TENM3: variants seen among roughly 807,000 people sequenced by gnomAD.
TENM3 encodes the protein teneurin transmembrane protein 3.
TENM3 carries 63 observed loss-of-function variants against 255.1 expected under a neutral mutation model. The ratio of observed to expected loss-of-function variants is 0.25; its 90% confidence interval spans 0.20 to 0.30. TENM3 has a LOEUF of 0.30. TENM3 is among the 10% of genes least tolerant of loss of function. The pLI is 1.00. For missense variants in TENM3, 2,929 were observed against 3,461.1 expected (o/e 0.85, Z 3.86); for synonymous variants, 1,306 against 1,322.3 (o/e 0.99, Z 0.27).
chr4:181,783,141 T>C, the TENM3 span, among the ~76,000 whole-genome samples: 2 of 152,206 alleles, frequency 1.3e-5, no homozygotes, highest in Non-Finnish European at 2.9e-5. Flanking sequence ...TTAGGTCTGC[T>C]TGGTGCAGAG....
the TENM3 span, among the ~76,000 whole-genome samples, chr4:181,875,262 C>T: frequency 0.2 from 30,474 of 152,090 alleles, 3,724 homozygotes; most frequent in South Asian, 0.34. Context: ...AATATCCTCA[C>T]TTTTGTAATA....
chr4:181,666,611 C>T, the TENM3 span, among the ~76,000 whole-genome samples: 5 of 152,072 alleles, frequency 3.3e-5, no homozygotes, highest in Admixed American at 3.3e-4. Context: ...TTAAGGGGTA[C>T]ATAATAAAAA....
At chr4:182,408,837 T>C (rs939192332) in intron 3 of TENM3, among the ~76,000 whole-genome samples, 3 of 152,196 alleles carry the variant, frequency 2.0e-5, no homozygotes, top group Non-Finnish European at 2.9e-5. Flanking sequence ...AAAAAATGAA[T>C]CACATGGGAT....
chr4:182,106,044 G>T, the TENM3 span, among the ~76,000 whole-genome samples: 2 of 152,290 alleles, frequency 1.3e-5, no homozygotes, highest in Admixed American at 6.5e-5. Flanking sequence ...TCACCTTCAG[G>T]TGTGGTAGGC....
chr4:181,750,607 A>C, the TENM3 span, among the ~76,000 whole-genome samples: 5,063 of 152,220 alleles, frequency 0.033, 290 homozygotes, highest in African/African-American at 0.12. Flanking sequence ...TCATTCCAGG[A>C]CATTAATTAG....
At chr4:181,633,543 AC>A in the TENM3 span, among the ~76,000 whole-genome samples, 11 of 152,234 alleles carry the variant, frequency 7.2e-5, no homozygotes, top group South Asian at 2.1e-3. Context: ...ATTCTAAATG[AC>A]CCTGAGCCTT....
At chr4:181,820,813 T>A in the TENM3 span, among the ~76,000 whole-genome samples, 1 of 152,300 alleles carries the variant, frequency 6.6e-6, no homozygotes, top group Admixed American at 6.5e-5. Context: ...GCAGCACATG[T>A]GGTTCAGAGG....
intron 4 of TENM3, among the ~76,000 whole-genome samples, chr4:182,609,006 T>TGGA (rs112919791): frequency 0.045 from 6,916 of 152,196 alleles, 543 homozygotes; most frequent in African/African-American, 0.16. Context: ...CTGGAGGGAC[T>TGGA]GGAGGGTATG....
At chr4:181,684,015 A>G in the TENM3 span, among the ~76,000 whole-genome samples, 1 of 152,212 alleles carries the variant, frequency 6.6e-6, no homozygotes. Context: ...CATTTAACAA[A>G]TAGTAGTTAT....
chr4:182,042,420 C>G, the TENM3 span, among the ~76,000 whole-genome samples: 32,969 of 151,954 alleles, frequency 0.22, 3,741 homozygotes, highest in African/African-American at 0.29. Flanking sequence ...TAAGTGTCCC[C>G]CTCAGGATGA....
At chr4:182,681,742 A>G (rs1756194006) in intron 10 of TENM3, 72 bp from the exon 11 acceptor site, 1 of 1,098,086 alleles carries the variant, frequency 9.1e-7, no homozygotes, top group Non-Finnish European at 1.3e-6. Context: ...TTAGATTAGG[A>G]TTTAATTCTT....
At chr4:182,161,618 T>C (rs1237447970) in intron 1 of TENM3, among the ~76,000 whole-genome samples, 1 of 107,814 alleles carries the variant, frequency 9.3e-6, no homozygotes, top group Non-Finnish European at 1.8e-5. Flanking sequence ...TATATGTATA[T>C]ATATATACAA....
At chr4:181,596,427 G>A in the TENM3 span, among the ~76,000 whole-genome samples, 2 of 152,072 alleles carry the variant, frequency 1.3e-5, no homozygotes, top group Non-Finnish European at 2.9e-5. Context: ...GGCAACACTA[G>A]GTCTGCCTTT....
rs72496312 is a variant in TENM3, at chr4:182,268,732, C to G, written c.-76+25256C>G. Reference sequence around the variant, plus strand: ...CTCATTGCTGTGCTCCCACCAGCACCCTGACAGTTTACAAATGCCATGACA... The same window carrying G: ...CTCATTGCTGTGCTCCCACCAGCACGCTGACAGTTTACAAATGCCATGACA... On this transcript the variant is annotated intron_variant, in intron 1 of 27. Coordinates refer to ENST00000511685, the MANE Select transcript of TENM3 (RefSeq NM_001080477.4). Among the ~76,000 whole-genome samples, 887 of 152,240 alleles carry G rather than the reference C, an allele frequency of 5.8e-3. 9 individuals are homozygous for G. Among genetic ancestry groups the G allele is most frequent in the Admixed American group, 0.012 (180 of 15,288 alleles).
At chr4:181,968,094 A>C in the TENM3 span, among the ~76,000 whole-genome samples, 3 of 152,182 alleles carry the variant, frequency 2.0e-5, no homozygotes, top group Non-Finnish European at 4.4e-5. Context: ...TCCGAGCACC[A>C]GAAGCCCAGA....
chr4:182,464,915 C>G lies in TENM3; in HGVS notation c.511+117986C>G, dbSNP rs535604582. On this transcript the variant is annotated intron_variant, in intron 3 of 27. Transcript: ENST00000511685. ...TTTTTAAATATGTCCCTTCTCACCC[C>G]CTAATGATCAGTATTCCCTTCCTGT... Among the ~76,000 whole-genome samples, 32 of 152,198 alleles carry G rather than the reference C, an allele frequency of 2.1e-4. No homozygotes were observed. The South Asian group carries it at 6.6e-3, about 32-fold the overall frequency.
At chr4:181,990,968 A>T in the TENM3 span, among the ~76,000 whole-genome samples, 1 of 152,226 alleles carries the variant, frequency 6.6e-6, no homozygotes, top group South Asian at 2.1e-4. Context: ...TGGTCAAAGC[A>T]CACATAAATT....
the TENM3 span, among the ~76,000 whole-genome samples, chr4:181,603,990 C>T: frequency 7.2e-5 from 11 of 152,132 alleles, no homozygotes; most frequent in Admixed American, 6.5e-5. Flanking sequence ...GATTGCCGGG[C>T]GCGGTGGCTC....
chr4:182,708,453 A>G (rs1183474459), intron 12 of TENM3, among the ~76,000 whole-genome samples: 1 of 152,196 alleles, frequency 6.6e-6, no homozygotes, highest in Non-Finnish European at 1.5e-5. Context: ...GTTTGTGAAC[A>G]TATGTGAATT....
Sources: allele counts gnomAD v4.1 joint callset (sites outside exome capture counted in the v4.1 genomes callset), GRCh38; gene constraint gnomAD v4.1.1; transcripts MANE v1.5; gene names NCBI Gene and HGNC (gene_info 2026-07-23, HGNC 2026-07-21).